The following CPED1 variants were observed in gnomAD, a reference collection of about 807,000 sequenced individuals.
CPED1 encodes the protein cadherin-like and PC-esterase domain-containing protein 1.
CPED1 carries 114 observed loss-of-function variants against 128.2 expected under a neutral mutation model. The ratio of observed to expected loss-of-function variants is 0.89; its 90% CI spans 0.76 to 1.04. The LOEUF (loss-of-function observed/expected upper bound fraction) is 1.04, where lower values mean the gene tolerates loss of function less well. Ranked by LOEUF, CPED1 falls within the 50% of genes least tolerant of loss-of-function variation. The probability of loss-of-function intolerance (pLI) is 0.00; values close to 1 mark genes in which losing one functional copy is unlikely to be tolerated. For synonymous variants in CPED1, 462 were observed against 426.7 expected (o/e 1.08, Z -1.02); for missense variants, 1,211 against 1,207.1 (o/e 1.00, Z -0.05).
intron 18 of CPED1, among the ~76,000 whole-genome samples, chr7:121,259,609 G>C (rs1791964972): frequency 6.6e-6 from 1 of 151,948 alleles, no homozygotes; most frequent in South Asian, 2.1e-4. Flanking sequence ...GGAACACATA[G>C]AAATTATGAG....
intron 18 of CPED1, among the ~76,000 whole-genome samples, chr7:121,264,707 G>GA (rs78987771): frequency 5.9e-5 from 9 of 151,798 alleles, no homozygotes; most frequent in Non-Finnish European, 1.3e-4. Context: ...ATTAAAATCA[G>GA]AAAAAAACAT....
chr7:121,098,779 TA>T (rs1024786368), intron 6 of CPED1, among the ~76,000 whole-genome samples: 5 of 111,014 alleles, frequency 4.5e-5, no homozygotes, highest in Admixed American at 2.0e-4. Context: ...TATATATATA[TA>T]AAAATATATA....
intron 4 of CPED1, among the ~76,000 whole-genome samples, chr7:121,054,591 C>T (rs1191129628): frequency 1.3e-5 from 2 of 151,992 alleles, no homozygotes; most frequent in African/African-American, 2.4e-5. Context: ...TTCAGTAATA[C>T]AGTTAGGGTC....
intron 7 of CPED1, among the ~76,000 whole-genome samples, chr7:121,119,637 A>T (rs984156230): frequency 1.3e-5 from 2 of 151,352 alleles, no homozygotes; most frequent in Admixed American, 1.3e-4. Context: ...CATCCTGGCT[A>T]ACACAGTCTC....
rs574860741 is a variant in CPED1, at chr7:121,004,809, T to A, written c.250-10856T>A. Among the ~76,000 whole-genome samples, 33 of 152,328 alleles carry A rather than the reference T, an allele frequency of 2.2e-4. No homozygotes were observed. In the South Asian group the frequency reaches 3.1e-3, roughly 14 times the overall value. ...AATGTTTCATAAAGGGCTAATATCCTAATGTGTGAATTTATTTATAGAACA... is the reference window on the plus strand; with the variant it reads ...AATGTTTCATAAAGGGCTAATATCCAAATGTGTGAATTTATTTATAGAACA... On this transcript the variant is annotated intron_variant, in intron 2 of 22. Transcript: ENST00000310396.
In CPED1 at chr7:121,015,856, T is replaced by C. The variant is rs1295880107; in HGVS notation, c.433+8T>C. The C allele has an allele frequency of 2.7e-6, 4 of 1,469,670 alleles. No homozygotes were observed. Among genetic ancestry groups the C allele is most frequent in the South Asian group, 1.6e-5 (1 of 64,358 alleles). The allele number at this position is 1,469,670 out of a possible 1,614,324, so 91.0% of individuals were successfully genotyped here. A position where few individuals can be genotyped will look rare whatever the true frequency, so the allele number is the denominator to read the frequency against. ...CGGGGCTACTAGAACAAGGTCAGAA[T>C]AGTGAGAAGTAACTGCCAAAGTCAC... On this transcript the variant is annotated splice_region_variant and intron_variant, in intron 3 of 22. Coordinates refer to ENST00000310396, the MANE Select transcript of CPED1 (RefSeq NM_024913.5).
chr7:121,034,524 G>T (rs1303696484), intron 3 of CPED1, among the ~76,000 whole-genome samples: 1 of 152,076 alleles, frequency 6.6e-6, no homozygotes, highest in Non-Finnish European at 1.5e-5. Flanking sequence ...GAGATTACAG[G>T]TGTGAGCCAC....
rs1015434919 is a variant in CPED1 at position 121,212,002 on chromosome 7, A to C, written c.2056-24712A>C. Among the ~76,000 whole-genome samples the C allele has an allele frequency of 3.2e-4, 49 of 151,982 alleles. 1 individual carries two copies. The highest frequency in any genetic ancestry group is 2.9e-5 in the Non-Finnish European group (2 of 67,958). ...TTTATAACTGGGGCCATGGTGTCTT[A>C]AGTTCCTCCATTAAGGCAGACAACC... On this transcript the variant is annotated intron_variant, in intron 16 of 22. Coordinates refer to ENST00000310396, the MANE Select transcript of CPED1 (RefSeq NM_024913.5).
chr7:121,240,439 C>G (rs993299145), intron 17 of CPED1, among the ~76,000 whole-genome samples: 2 of 152,126 alleles, frequency 1.3e-5, no homozygotes, highest in African/African-American at 4.8e-5. Context: ...ATGCCCTCAA[C>G]ATATCATTAT....
chr7:121,005,109 C>T (rs546245138), intron 2 of CPED1, among the ~76,000 whole-genome samples: 1 of 152,214 alleles, frequency 6.6e-6, no homozygotes, highest in South Asian at 2.1e-4. Flanking sequence ...GCTTATGAAA[C>T]AATATGATTA....
intron 12 of CPED1, among the ~76,000 whole-genome samples, chr7:121,132,378 G>T (rs1795692923): frequency 6.6e-6 from 1 of 151,790 alleles, no homozygotes; most frequent in Non-Finnish European, 1.5e-5. Context: ...TCTTCTCAAT[G>T]GTTACCACAG....
chr7:121,279,714 C>T (rs1260738746), intron 22 of CPED1, among the ~76,000 whole-genome samples: 1 of 152,118 alleles, frequency 6.6e-6, no homozygotes. Flanking sequence ...TTACCCCAGC[C>T]CATACAGTTG....
intron 16 of CPED1, among the ~76,000 whole-genome samples, chr7:121,201,207 A>C (rs1797389003): frequency 6.6e-6 from 1 of 152,022 alleles, no homozygotes; most frequent in Non-Finnish European, 1.5e-5. Flanking sequence ...AAGAAAGACA[A>C]AGTTATAGAA....
At chr7:121,271,544 G>T (rs1002246446) in intron 22 of CPED1, 114 bp downstream of exon 22, 1 of 1,058,750 alleles carries the variant, frequency 9.4e-7, no homozygotes. Context: ...AATGTCAGGT[G>T]GAGATTAAAT....
intron 2 of CPED1, among the ~76,000 whole-genome samples, chr7:121,014,489 G>A (rs1792247958): frequency 6.7e-6 from 1 of 149,796 alleles, no homozygotes; most frequent in African/African-American, 2.4e-5. Context: ...AGGCAGAGTT[G>A]CAGTGAGCCG....
At chr7:121,231,665 T>C (rs961709514) in intron 16 of CPED1, among the ~76,000 whole-genome samples, 9 of 151,864 alleles carry the variant, frequency 5.9e-5, no homozygotes, top group African/African-American at 9.7e-5. Flanking sequence ...CTGTGTACCA[T>C]AAGTAAAATA....
At chr7:121,147,552 C>A in intron 16 of CPED1, among the ~76,000 whole-genome samples, 1 of 152,086 alleles carries the variant, frequency 6.6e-6, no homozygotes, top group East Asian at 1.9e-4. Flanking sequence ...GGGAATGTTT[C>A]TTTTAATACC....
At chr7:121,022,196 A>G (rs1469573478) in intron 3 of CPED1, among the ~76,000 whole-genome samples, 1 of 152,030 alleles carries the variant, frequency 6.6e-6, no homozygotes, top group Non-Finnish European at 1.5e-5. Context: ...GTACATCAAT[A>G]TTTGGGCTCC....
intron 3 of CPED1, among the ~76,000 whole-genome samples, chr7:121,036,718 G>A (rs1216471053): frequency 6.6e-6 from 1 of 152,038 alleles, no homozygotes; most frequent in African/African-American, 2.4e-5. Flanking sequence ...TCTCCACACT[G>A]TTTTCCATAG....
Sources: allele counts gnomAD v4.1 joint callset (sites outside exome capture counted in the v4.1 genomes callset), GRCh38; gene constraint gnomAD v4.1.1; transcripts MANE v1.5; gene names NCBI Gene and HGNC (gene_info 2026-07-23, HGNC 2026-07-21).